The following AGTPBP1 variants were observed in gnomAD, a reference collection of about 807,000 sequenced individuals.
The protein encoded by AGTPBP1 is cytosolic carboxypeptidase 1.
A neutral mutation model predicts 143.9 loss-of-function variants in AGTPBP1; 70 were observed. The observed-to-expected ratio is 0.49, with a 90% CI of 0.40 to 0.59. The LOEUF is 0.59. Ranked by LOEUF, AGTPBP1 falls within the 20% of genes least tolerant of loss-of-function variation. AGTPBP1 has a pLI of 0.00. For synonymous variants in AGTPBP1, 463 were observed against 500.2 expected, an observed-to-expected ratio of 0.93 and a Z score of 0.99; for missense variants, 1,229 against 1,464.5, an observed-to-expected ratio of 0.84 and a Z score of 2.62.
chr9:85,637,040 GTTTTTTTTTT>G (rs36101581), intron 13 of AGTPBP1, among the ~76,000 whole-genome samples: 1 of 126,474 alleles, frequency 7.9e-6, no homozygotes, highest in Non-Finnish European at 1.7e-5. Flanking sequence ...TCCCCAAAAA[GTTTTTTTTTT>G]TTTTTTTTTA....
chr9:85,726,876 A>G (rs1474528596), intron 1 of AGTPBP1, among the ~76,000 whole-genome samples: 1 of 152,218 alleles, frequency 6.6e-6, no homozygotes, highest in Admixed American at 6.5e-5. Context: ...AAAGTCACAC[A>G]ATTGGTGGTG....
intron 25 of AGTPBP1, among the ~76,000 whole-genome samples, chr9:85,571,174 A>G (rs1384096814): frequency 6.6e-6 from 1 of 152,212 alleles, no homozygotes. Context: ...AGAACTTGGG[A>G]GCAGTAACAT....
In AGTPBP1 at chr9:85,678,346, A is replaced by AG; in HGVS notation, c.277dup (p.Leu93ProfsTer37). Reference sequence around the variant, plus strand: ...AAACAAAAACTTACCAGCTGACACCAGCTCAACAAGAATGCTTAAGATATT... The same window carrying AG: ...AAACAAAAACTTACCAGCTGACACCAGGCTCAACAAGAATGCTTAAGATATT... On this transcript the variant is annotated frameshift_variant, in exon 5 of 26. Coordinates refer to ENST00000357081, the MANE Select transcript of AGTPBP1 (RefSeq NM_001330701.2). LOFTEE classifies it high-confidence loss of function. The AG allele has an allele frequency of 6.3e-7, 1 of 1,595,718 alleles. No individual in the cohort carries two copies. Among genetic ancestry groups the AG allele is most frequent in the Non-Finnish European group, 8.6e-7 (1 of 1,168,334 alleles).
upstream of AGTPBP1, among the ~76,000 whole-genome samples, chr9:85,743,313 C>A (rs370784765): frequency 6.6e-6 from 1 of 152,194 alleles, no homozygotes; most frequent in African/African-American, 2.4e-5. Context: ...TTGAATCCCA[C>A]TTTCACAAGC....
chr9:85,757,713 A>C, the AGTPBP1 span, among the ~76,000 whole-genome samples: 2 of 151,914 alleles, frequency 1.3e-5, no homozygotes, highest in Admixed American at 1.3e-4. Flanking sequence ...TAAAAATAAC[A>C]GTTTTAGAGA....
chr9:85,757,554 T>G, the AGTPBP1 span, among the ~76,000 whole-genome samples: 4 of 152,144 alleles, frequency 2.6e-5, no homozygotes, highest in Non-Finnish European at 5.9e-5. Flanking sequence ...GAACAGAAGA[T>G]GCTGCATTGC....
chr9:85,730,019 CA>C (rs200246112), intron 1 of AGTPBP1, among the ~76,000 whole-genome samples: 2,257 of 152,324 alleles, frequency 0.015, 24 homozygotes, highest in Middle Eastern at 0.037. Context: ...TCCTGATTAC[CA>C]GAGCCTCCTG....
At chr9:85,689,931 T>A (rs1427591043) in intron 3 of AGTPBP1, among the ~76,000 whole-genome samples, 85 of 118,474 alleles carry the variant, frequency 7.2e-4, no homozygotes, top group African/African-American at 1.3e-3. Flanking sequence ...AAAAAATATA[T>A]ATATATATAT....
intron 2 of AGTPBP1, among the ~76,000 whole-genome samples, chr9:85,697,366 T>C (rs12351015): frequency 5.8e-4 from 86 of 147,216 alleles, no homozygotes; most frequent in African/African-American, 2.1e-3. Context: ...AAACATTATA[T>C]GTTATGCAGT....
At chr9:85,782,778 G>A in the AGTPBP1 span, among the ~76,000 whole-genome samples, 9 of 152,070 alleles carry the variant, frequency 5.9e-5, no homozygotes, top group East Asian at 1.9e-4. Flanking sequence ...ACAAACATAC[G>A]AATCCTGCCA....
intron 17 of AGTPBP1, among the ~76,000 whole-genome samples, chr9:85,602,974 G>A (rs1829762782): frequency 1.3e-5 from 2 of 152,198 alleles, no homozygotes; most frequent in Non-Finnish European, 2.9e-5. Context: ...GACTGACCTA[G>A]CCAGATGGGA....
At chr9:85,552,049 A>C (rs10868319) in intron 25 of AGTPBP1, among the ~76,000 whole-genome samples, 1 of 152,054 alleles carries the variant, frequency 6.6e-6, no homozygotes, top group South Asian at 2.1e-4. Flanking sequence ...ACCTGCCTTA[A>C]CATCTATCCT....
chr9:85,797,439 T>C, the AGTPBP1 span, among the ~76,000 whole-genome samples: 1 of 152,184 alleles, frequency 6.6e-6, no homozygotes, highest in Non-Finnish European at 1.5e-5. Context: ...TCTATCACCA[T>C]TACATCTCCG....
intron 2 of AGTPBP1, among the ~76,000 whole-genome samples, chr9:85,709,251 A>G (rs1692515761): frequency 6.6e-6 from 1 of 152,222 alleles, no homozygotes; most frequent in Non-Finnish European, 1.5e-5. Context: ...AGACAGAAAA[A>G]GTATTTCACA....
intron 1 of AGTPBP1, among the ~76,000 whole-genome samples, chr9:85,722,889 G>A (rs1444268388): frequency 1.3e-5 from 2 of 152,120 alleles, no homozygotes; most frequent in African/African-American, 4.8e-5. Flanking sequence ...TGATGTTGAT[G>A]CTATTCCTTT....
chr9:85,566,172 T>C (rs1199462244), intron 25 of AGTPBP1, among the ~76,000 whole-genome samples: 1 of 152,196 alleles, frequency 6.6e-6, no homozygotes, highest in African/African-American at 2.4e-5. Flanking sequence ...ATATAGTCTC[T>C]GGGGTTAACT....
chr9:85,608,822 A>T (rs1830138105), intron 17 of AGTPBP1, among the ~76,000 whole-genome samples: 1 of 152,116 alleles, frequency 6.6e-6, no homozygotes, highest in Admixed American at 6.6e-5. Flanking sequence ...AATTACAAAC[A>T]AAATGAAAAA....
intron 1 of AGTPBP1, among the ~76,000 whole-genome samples, chr9:85,735,743 C>A (rs1839199937): frequency 6.6e-6 from 1 of 152,036 alleles, no homozygotes; most frequent in Non-Finnish European, 1.5e-5. Context: ...AATTAATAAA[C>A]CTAAAGAGTT....
At chr9:85,761,790 A>G in the AGTPBP1 span, among the ~76,000 whole-genome samples, 6 of 152,208 alleles carry the variant, frequency 3.9e-5, no homozygotes, top group African/African-American at 1.4e-4. Context: ...TAATTAAACT[A>G]AAGAGCTTCT....
Sources: allele counts gnomAD v4.1 joint callset (sites outside exome capture counted in the v4.1 genomes callset), GRCh38; gene constraint gnomAD v4.1.1; transcripts MANE v1.5; gene names NCBI Gene and HGNC (gene_info 2026-07-23, HGNC 2026-07-21).